Variants in SYT14 observed in about 807,000 individuals in gnomAD.
The protein encoded by SYT14 is synaptotagmin-14.
Under a neutral mutation model 74.2 loss-of-function variants are expected in SYT14, and 32 were observed. The observed-to-expected ratio is 0.43, with a 90% CI of 0.33 to 0.58. SYT14 has a LOEUF of 0.58. Ranked by LOEUF, SYT14 falls within the 20% of genes least tolerant of loss-of-function variation. The pLI, the probability that SYT14 is intolerant of heterozygous loss-of-function variation, is 0.05. For synonymous variants in SYT14, 298 were observed against 337.7 expected (o/e 0.88, Z 1.29); for missense variants, 791 against 981.8 (o/e 0.81, Z 2.60).
intron 1 of SYT14, among the ~76,000 whole-genome samples, chr1:209,940,822 G>T (rs1047191730): frequency 2.6e-5 from 4 of 152,220 alleles, no homozygotes; most frequent in Admixed American, 1.3e-4. Flanking sequence ...TTAAAATTTG[G>T]AATATAGTAG....
intron 7 of SYT14, among the ~76,000 whole-genome samples, chr1:210,150,714 T>C (rs1470516761): frequency 6.6e-6 from 1 of 152,220 alleles, no homozygotes; most frequent in Non-Finnish European, 1.5e-5. Flanking sequence ...ACAGTGAGAA[T>C]TAAGTTGCAC....
intron 2 of SYT14, among the ~76,000 whole-genome samples, chr1:209,974,004 G>C (rs2079309715): frequency 6.6e-6 from 1 of 151,672 alleles, no homozygotes; most frequent in Non-Finnish European, 1.5e-5. Context: ...CTGCATAAAT[G>C]TCTTCTTTTG....
exon 10 of SYT14, chr1:210,171,288 AAG>A (rs2083523728): frequency 6.6e-6 from 1 of 152,198 alleles, no homozygotes; most frequent in African/African-American, 2.4e-5. Context: ...CTAAAACTGA[AAG>A]AAATTAAAGT....
intron 2 of SYT14, among the ~76,000 whole-genome samples, chr1:209,975,137 A>G (rs2079335362): frequency 6.6e-6 from 1 of 152,204 alleles, no homozygotes; most frequent in Non-Finnish European, 1.5e-5. Context: ...TTTTCTAGAT[A>G]TACAATCACG....
chr1:210,162,972 A>T (rs775245625), exon 10 of SYT14: 1 of 452,670 alleles, frequency 2.2e-6, no homozygotes, highest in Non-Finnish European at 4.4e-6. Context: ...CCTGAATCAA[A>T]TGGCAAAATA....
At chr1:209,962,075 T>A (rs2102715757) in intron 2 of SYT14, among the ~76,000 whole-genome samples, 1 of 152,210 alleles carries the variant, frequency 6.6e-6, no homozygotes, top group East Asian at 1.9e-4. Flanking sequence ...AATGAGAAAT[T>A]CTAAAAATTA....
chr1:210,103,020 T>C (rs763264894), intron 7 of SYT14, among the ~76,000 whole-genome samples: 4 of 152,170 alleles, frequency 2.6e-5, no homozygotes, highest in Admixed American at 2.0e-4. Context: ...GTTGTCATTT[T>C]TATTGTAACT....
At chr1:210,099,959 C>A in intron 6 of SYT14, 53 bp from the exon 6 acceptor site, 2 of 1,470,002 alleles carry the variant, frequency 1.4e-6, no homozygotes, top group Non-Finnish European at 1.9e-6. Context: ...TATTTACATG[C>A]TAGGTTAAAT....
exon 10 of SYT14, chr1:210,162,541 TTC>T (rs1042398035): frequency 1.0e-4 from 35 of 338,920 alleles, no homozygotes; most frequent in Admixed American, 3.6e-4. Context: ...TAAAAATAGT[TTC>T]TTTTTTCTCC....
exon 4 of SYT14, chr1:210,015,792 AT>A (rs570943851): frequency 1.4e-3 from 1,235 of 874,602 alleles, no homozygotes; most frequent in East Asian, 2.4e-3. Flanking sequence ...AAGTGGTTTG[AT>A]TTTTTTTTTC....
At chr1:210,090,926 C>T (rs932976366) in intron 5 of SYT14, among the ~76,000 whole-genome samples, 11 of 151,950 alleles carry the variant, frequency 7.2e-5, no homozygotes, top group Non-Finnish European at 1.3e-4. Context: ...GTGTTCTACA[C>T]TTTAAAAAAT....
In SYT14 at chr1:210,103,549, C is replaced by CAAA. The variant is rs11430691; in HGVS notation, c.2034+3105_2034+3107dup. 6.5e-3 allele frequency among the ~76,000 whole-genome samples: 564 copies of CAAA among 87,422 alleles called. 19 individuals carry two copies. The highest frequency in any genetic ancestry group is 0.025 in the African/African-American group (508 of 19,936). 57.4% of individuals were successfully genotyped at this position (87,422 alleles called of 152,430 possible). A position where few individuals can be genotyped will look rare whatever the true frequency, so the allele number is the denominator to read the frequency against. The stretch of plus-strand genomic sequence containing the variant: ...TGGATGACAGAGCAAGACTCTGTCT[C>CAAA]AAAAAAAAAAAAAAAAAAAGAGTTT... On this transcript the variant is annotated intron_variant, in intron 7 of 9. Coordinates refer to ENST00000637265, the Ensembl canonical transcript of SYT14.
At chr1:210,024,834 A>G (rs963940639) in intron 5 of SYT14, among the ~76,000 whole-genome samples, 4 of 151,930 alleles carry the variant, frequency 2.6e-5, no homozygotes, top group African/African-American at 9.7e-5. Context: ...AAAATGTTAT[A>G]TTTTATCAGC....
intron 7 of SYT14, among the ~76,000 whole-genome samples, chr1:210,128,666 A>G (rs528940834): frequency 6.6e-6 from 1 of 152,326 alleles, no homozygotes; most frequent in South Asian, 2.1e-4. Flanking sequence ...ATTTCTGAGT[A>G]AGCTCTACCA....
rs140500019 is a variant in SYT14 at position 209,973,280 on chromosome 1, A to G, written c.-486+20524A>G. 4.9e-3 allele frequency among the ~76,000 whole-genome samples: 739 copies of G among 152,172 alleles called. 4 individuals carry two copies. The highest frequency in any genetic ancestry group is 0.014 in the African/African-American group (573 of 41,504). On this transcript the variant is annotated intron_variant, in intron 2 of 9. Transcript: ENST00000637265. ...CAACGTGCAGGTTAGTTACACATGT[A>G]TACATGTGCCATGTTGGTGTGCTGC...
chr1:210,086,337 T>A (rs1299023377), intron 5 of SYT14, among the ~76,000 whole-genome samples: 1 of 152,214 alleles, frequency 6.6e-6, no homozygotes, highest in Non-Finnish European at 1.5e-5. Context: ...ATCCCATTCC[T>A]CAAAAAATTT....
chr1:210,016,983 C>T lies in SYT14; in HGVS notation c.980C>T (p.Thr327Met), dbSNP rs541206041. 1.6e-5 allele frequency: 20 copies of T among 1,231,618 alleles called. No individual in the cohort carries two copies. The South Asian group carries it at 6.2e-4, about 38-fold the overall frequency. 76.3% of individuals were successfully genotyped at this position (1,231,618 alleles called of 1,614,324 possible). A position where few individuals can be genotyped will look rare whatever the true frequency, so the allele number is the denominator to read the frequency against. Residue 327 changes from threonine (T) to methionine (M), a missense_variant, in exon 4 of 10, where the codon ACG becomes ATG. Transcript: ENST00000637265. ...AAAATTGAAGAACAAATAAATTCAA[C>T]GAAATACTGTAAAGTGAACGAAGAC...
At chr1:210,006,033 T>G (rs1291017020) in intron 2 of SYT14, among the ~76,000 whole-genome samples, 1 of 151,936 alleles carries the variant, frequency 6.6e-6, no homozygotes, top group African/African-American at 2.4e-5. Context: ...TTTATCAACC[T>G]GTCCAGGTAG....
exon 10 of SYT14, chr1:210,167,342 G>T (rs1341117018): frequency 6.6e-6 from 1 of 152,170 alleles, no homozygotes; most frequent in Non-Finnish European, 1.5e-5. Flanking sequence ...CAGTGATTCT[G>T]TGACTGCTGC....
Sources: gnomAD v4.1 joint callset for allele counts (sites outside exome capture counted in the v4.1 genomes callset) on GRCh38, gnomAD v4.1.1 for gene constraint, MANE v1.5 for transcripts, NCBI Gene and HGNC (gene_info 2026-07-23, HGNC 2026-07-21) for gene names.